SCARF2: variants seen among roughly 807,000 people sequenced by gnomAD.
SCARF2 encodes scavenger receptor class F member 2, also known as scavenger receptor expressed by endothelial cells 2 protein.
SCARF2 carries 39 observed loss-of-function variants against 73.4 expected under a neutral mutation model. The observed-to-expected ratio is 0.53, with a 90% CI of 0.41 to 0.69. The LOEUF (loss-of-function observed/expected upper bound fraction) is 0.69, where lower values mean the gene tolerates loss of function less well. Ranked by LOEUF, SCARF2 falls within the 30% of genes least tolerant of loss-of-function variation. The pLI is 0.00. For synonymous variants in SCARF2, 605 were observed against 590.0 expected (o/e 1.03, Z -0.37); for missense variants, 1,148 against 1,303.5 (o/e 0.88, Z 1.84).
Position 20,425,245 on chromosome 22 carries a change from G to C in SCARF2, c.*130C>G. On this transcript the variant is annotated 3_prime_UTR_variant, in exon 11 of 11. Coordinates refer to ENST00000622235, the MANE Select transcript of SCARF2 (RefSeq NM_182895.5). This position sits in a 1 kb window ranked among gnomAD's most constrained non-coding sequence, Gnocchi z 4.6. The stretch of plus-strand genomic sequence containing the variant: ...GCGGCTGCAGGACCTGAGCCAATGA[G>C]ACGCAACCTCCGCTAGCCGCGCGGT... 1.3e-6 allele frequency: 1 copy of C among 751,040 alleles called. No individual in the cohort carries two copies. Among genetic ancestry groups the C allele is most frequent in the Non-Finnish European group, 1.9e-6 (1 of 532,928 alleles). 46.5% of individuals were successfully genotyped at this position (751,040 alleles called of 1,614,324 possible).
Position 20,425,599 on chromosome 22 carries a change from G to A in SCARF2, c.2377C>T (p.Pro793Ser). Residue 793 changes from proline (P) to serine (S), a missense_variant, in exon 11 of 11, where the codon CCC becomes TCC. Transcript: ENST00000622235. The surrounding 1 kb of genome is among the most constrained non-coding windows in gnomAD (Gnocchi z 4.6). ...TGTGGGGGCGCCGGCTTTTCCCTGG[G>A]GCCCTGCGCGCCCAGGGCCACCTCG... ...RAEVALGAQG[P>S]REKPAPPQKA... 7.5e-7 allele frequency: 1 copy of A among 1,335,046 alleles called. No individual in the cohort carries two copies. Among genetic ancestry groups the A allele is most frequent in the Admixed American group, 4.0e-5 (1 of 25,170 alleles). 82.7% of individuals were successfully genotyped at this position (1,335,046 alleles called of 1,614,324 possible). A position where few individuals can be genotyped will look rare whatever the true frequency, so the allele number is the denominator to read the frequency against.
rs1332725995 is a variant in SCARF2 at position 20,424,829 on chromosome 22, C to A, written c.*546G>T. ...AAGGGAAGGGGTGGGACGGACTAAG[C>A]CCCTGAGGAGCGGAGACCAGCCCTC... On this transcript the variant is annotated 3_prime_UTR_variant, in exon 11 of 11. Transcript: ENST00000622235. 6.6e-6 allele frequency: 1 copy of A among 152,514 alleles called. No homozygotes were observed. Among genetic ancestry groups the A allele is most frequent in the African/African-American group, 2.4e-5 (1 of 41,446 alleles). The allele number at this position is 152,514 out of a possible 1,614,324, so 9.4% of individuals were successfully genotyped here.
Position 20,429,998 on chromosome 22 carries a change from A to G in SCARF2, c.1203-165T>C. 2.9e-6 allele frequency: 2 copies of G among 696,212 alleles called. No individual in the cohort carries two copies. The highest frequency in any genetic ancestry group is 4.9e-6 in the Non-Finnish European group (2 of 412,180). The allele number at this position is 696,212 out of a possible 1,614,324, so 43.1% of individuals were successfully genotyped here. A position where few individuals can be genotyped will look rare whatever the true frequency, so the allele number is the denominator to read the frequency against. On this transcript the variant is annotated intron_variant, in intron 6 of 10. Coordinates refer to ENST00000622235, the MANE Select transcript of SCARF2 (RefSeq NM_182895.5). The surrounding 1 kb of genome is among the most constrained non-coding windows in gnomAD (Gnocchi z 5.2). ...TGAAGCCCCGCCCCGCCCGTGGCACATATTGGGTAGTGGATGTTTTGGAAA... is the reference window on the plus strand; with the variant it reads ...TGAAGCCCCGCCCCGCCCGTGGCACGTATTGGGTAGTGGATGTTTTGGAAA...
In SCARF2 at chr22:20,429,707, C is replaced by CGG. The variant is rs759982094; in HGVS notation, c.1306+21_1306+22dup. The CGG allele has an allele frequency of 3.7e-6, 6 of 1,613,860 alleles. No individual in the cohort carries two copies. In the African/African-American group the frequency reaches 8.0e-5, roughly 22 times the overall value. On this transcript the variant is annotated intron_variant, in intron 7 of 10. Transcript: ENST00000622235. This position sits in a 1 kb window ranked among gnomAD's most constrained non-coding sequence, Gnocchi z 5.2. ...TTCTGGCACCCCCTGCATTCCTTAA[C>CGG]GGGACGCCCCTCATCCACTTACCTA...
intron 1 of SCARF2, among the ~76,000 whole-genome samples, chr22:20,436,531 G>T (rs1220595961): frequency 1.3e-5 from 2 of 151,816 alleles, no homozygotes; most frequent in Non-Finnish European, 2.9e-5. Flanking sequence ...CGCGCCTCCG[G>T]ACCAGAGTTC....
intron 1 of SCARF2, among the ~76,000 whole-genome samples, chr22:20,437,205 T>G (rs2052710003): frequency 1.3e-5 from 2 of 152,236 alleles, no homozygotes; most frequent in Non-Finnish European, 2.9e-5. Flanking sequence ...CCAGTCGGAC[T>G]AGTGCGGGGC....
In SCARF2 at chr22:20,437,590, A is replaced by G; in HGVS notation, c.165T>C (p.Arg55=). 1 of 1,574,726 alleles carries G rather than the reference A, an allele frequency of 6.4e-7. No individual in the cohort carries two copies. The highest frequency in any genetic ancestry group is 8.6e-7 in the Non-Finnish European group (1 of 1,167,898). ...ELNPRGRNVC[R]APGSQVPTCC... is the part of the protein sequence containing the mutation. ...GCCAGGCCGGCTCCTACCCGGGAGC[A>G]CGGCACACGTTGCGGCCGCGAGGGT... is the stretch of plus-strand genomic sequence containing the variant. The change falls in exon 1 of 11, where the codon CGT becomes CGC. Residue 55 remains arginine (R), a synonymous_variant. Transcript: ENST00000622235.
Position 20,429,944 on chromosome 22 carries a change from C to T in SCARF2, c.1203-111G>A. ...GGGTCCAGGGTCCCAGAACCGGGCT[C>T]TCTCTCGCTGCATTCGTCGTCTAGG... On this transcript the variant is annotated intron_variant, in intron 6 of 10. Transcript: ENST00000622235. This position sits in a 1 kb window ranked among gnomAD's most constrained non-coding sequence, Gnocchi z 5.2. 9.6e-7 allele frequency: 1 copy of T among 1,044,948 alleles called. No homozygotes were observed. The highest frequency in any genetic ancestry group is 2.6e-5 in the East Asian group (1 of 38,416). The allele number at this position is 1,044,948 out of a possible 1,614,324, so 64.7% of individuals were successfully genotyped here.
chr22:20,431,149 A>G lies in SCARF2; in HGVS notation c.723T>C (p.Asp241=), dbSNP rs2052641335. The G allele has an allele frequency of 6.4e-7, 1 of 1,567,904 alleles. No homozygotes were observed. Among genetic ancestry groups the G allele is most frequent in the South Asian group, 1.1e-5 (1 of 86,990 alleles). ...GGCCGCGGAAGCACTGGCAGTAGCG[A>G]TCGCAGCGCGCGCCGAACGTACGCT... ...CRERTFGARC[D]RYCQCFRGRC... is the part of the protein sequence containing the mutation. The change falls in exon 4 of 11, where the codon GAT becomes GAC. Residue 241 remains aspartate, a synonymous_variant. Transcript: ENST00000622235.
Position 20,425,193 on chromosome 22 carries a change from G to A in SCARF2, c.*182C>T, listed in dbSNP as rs2052557280. 3 of 468,736 alleles carry A rather than the reference G, an allele frequency of 6.4e-6. No homozygotes were observed. Among genetic ancestry groups the A allele is most frequent in the African/African-American group, 2.0e-5 (1 of 49,604 alleles). 29.0% of individuals were successfully genotyped at this position (468,736 alleles called of 1,614,324 possible). ...TCGACCAACGGGATGGGCCCTTCCC[G>A]CCAGAGCACACTGCTCCAATCCAGG... On this transcript the variant is annotated 3_prime_UTR_variant, in exon 11 of 11. Coordinates refer to ENST00000622235, the MANE Select transcript of SCARF2 (RefSeq NM_182895.5). This position sits in a 1 kb window ranked among gnomAD's most constrained non-coding sequence, Gnocchi z 4.6.
chr22:20,432,060 A>C lies in SCARF2; in HGVS notation c.174-72T>G. On this transcript the variant is annotated intron_variant, in intron 1 of 10. Transcript: ENST00000622235. ...CCCCATCTGCTCCGGGCTCCTCCGC[A>C]GCCTCCGCACAGCCTCCCTGCCTCT... 9 of 1,478,700 alleles carry C rather than the reference A, an allele frequency of 6.1e-6. No individual in the cohort carries two copies. The South Asian group carries it at 1.1e-4, about 18-fold the overall frequency. 91.6% of individuals were successfully genotyped at this position (1,478,700 alleles called of 1,614,324 possible). A position where few individuals can be genotyped will look rare whatever the true frequency, so the allele number is the denominator to read the frequency against.
At chr22:20,434,099 T>C (rs1028072932) in intron 1 of SCARF2, among the ~76,000 whole-genome samples, 2 of 152,188 alleles carry the variant, frequency 1.3e-5, no homozygotes, top group Admixed American at 6.5e-5. Flanking sequence ...CTTAGCTATA[T>C]AGTAGGGCTC....
chr22:20,437,502 C>T, intron 1 of SCARF2, 80 bp downstream of exon 1: 1 of 1,425,402 alleles, frequency 7.0e-7, no homozygotes, highest in Admixed American at 2.1e-5. Context: ...TTCCGGTAGC[C>T]CCCTCCCAAT....
Position 20,425,388 on chromosome 22 carries a change from G to GCGCCCGCCCTGCCCAGCT in SCARF2, c.2570_2587dup (p.Glu857_Gly862dup). On this transcript the variant is annotated inframe_insertion, in exon 11 of 11. Coordinates refer to ENST00000622235, the MANE Select transcript of SCARF2 (RefSeq NM_182895.5). The surrounding 1 kb of genome is among the most constrained non-coding windows in gnomAD (Gnocchi z 4.6). ...AGCCACAGCCTGCTACAGGGTGGGT[G>GCGCCCGCCCTGCCCAGCT]CGCCCGCCCTGCCCAGCTCGCCCGC... The GCGCCCGCCCTGCCCAGCT allele has an allele frequency of 7.0e-7, 1 of 1,425,106 alleles. No homozygotes were observed. 88.3% of individuals were successfully genotyped at this position (1,425,106 alleles called of 1,614,324 possible).
chr22:20,432,864 C>T (rs2052663344), intron 1 of SCARF2, among the ~76,000 whole-genome samples: 2 of 152,228 alleles, frequency 1.3e-5, no homozygotes, highest in South Asian at 2.1e-4. Flanking sequence ...ATTACAGGCA[C>T]GTGCCACCAC....
intron 9 of SCARF2, among the ~76,000 whole-genome samples, chr22:20,427,766 G>T (rs1379066869): frequency 6.6e-6 from 1 of 152,244 alleles, no homozygotes; most frequent in East Asian, 1.9e-4. Flanking sequence ...CACAACATGT[G>T]TTAAGGTGCA....
intron 9 of SCARF2, among the ~76,000 whole-genome samples, chr22:20,428,329 C>T (rs1010070171): frequency 6.6e-6 from 1 of 150,650 alleles, no homozygotes; most frequent in Non-Finnish European, 1.5e-5. Context: ...CTCTTGTTGC[C>T]CAGGCTGGAG....
chr22:20,431,557 G>A lies in SCARF2; in HGVS notation c.335-20C>T, dbSNP rs763001539. 3 of 1,560,064 alleles carry A rather than the reference G, an allele frequency of 1.9e-6. No homozygotes were observed. The East Asian group carries it at 7.1e-5, about 37-fold the overall frequency. On this transcript the variant is annotated intron_variant, in intron 3 of 10. Transcript: ENST00000622235. ...GGCACTCTGCAGGGGAGGAGCGGAG[G>A]GGGTGGAAGGCCCCGGTGCTTGAGT...
Position 20,429,598 on chromosome 22 carries a change from G to T in SCARF2, c.1362C>A (p.Val454=). 6.2e-7 allele frequency: 1 copy of T among 1,613,578 alleles called. No homozygotes were observed. Among genetic ancestry groups the T allele is most frequent in the Non-Finnish European group, 8.5e-7 (1 of 1,179,910 alleles). The change falls in exon 8 of 11, where the codon GTC becomes GTA. Residue 454 remains valine (V), a synonymous_variant. Coordinates refer to ENST00000622235, the MANE Select transcript of SCARF2 (RefSeq NM_182895.5). The surrounding 1 kb of genome is among the most constrained non-coding windows in gnomAD (Gnocchi z 5.2). The part of the protein sequence containing the change: ...MGAGALLVLL[V]CLLLSLLGCC... The stretch of plus-strand genomic sequence containing the variant: ...AGCCGAGCAGCGAGAGCAGCAGGCA[G>T]ACGAGCAGGACGAGCAGCGCGCCCG...
Sources: allele counts gnomAD v4.1 joint callset (sites outside exome capture counted in the v4.1 genomes callset), GRCh38; gene constraint gnomAD v4.1.1; non-coding constraint Gnocchi (gnomAD v3.1); transcripts MANE v1.5; gene names NCBI Gene and HGNC (gene_info 2026-07-23, HGNC 2026-07-21).